FRAS1: variants seen among roughly 807,000 people sequenced by gnomAD.
FRAS1 encodes extracellular matrix organizing protein FRAS1.
A neutral mutation model predicts 435.2 loss-of-function variants in FRAS1; 290 were observed. The observed-to-expected ratio is 0.67, with a 90% CI of 0.61 to 0.73. The LOEUF (loss-of-function observed/expected upper bound fraction) is 0.73. Ranked by LOEUF, FRAS1 falls within the 30% of genes least tolerant of loss-of-function variation. The pLI, the probability that FRAS1 is intolerant of heterozygous loss-of-function variation, is 0.00. For synonymous variants in FRAS1, 1,800 were observed against 1,851.0 expected (o/e 0.97, Z 0.71); for missense variants, 4,860 against 5,001.5 (o/e 0.97, Z 0.85).
Position 78,450,560 on chromosome 4 carries a change from T to C in FRAS1, c.6463+221T>C, listed in dbSNP as rs538862637. 1.1e-4 allele frequency: 56 copies of C among 512,014 alleles called. 1 individual carries two copies. In the South Asian group the frequency reaches 1.4e-3, roughly 12 times the overall value. 31.7% of individuals were successfully genotyped at this position (512,014 alleles called of 1,614,324 possible). ...ATGTGTTCATGCTTTGACTTAGCATTGGTGGCATTTGCAGCTATTTTGGAG... is the reference window on the plus strand; with the variant it reads ...ATGTGTTCATGCTTTGACTTAGCATCGGTGGCATTTGCAGCTATTTTGGAG... On this transcript the variant is annotated intron_variant, in intron 45 of 73. Coordinates refer to ENST00000512123, the MANE Select transcript of FRAS1 (RefSeq NM_025074.7).
At chr4:78,363,484 C>G in intron 20 of FRAS1, 29 bp from the exon 21 acceptor site, 3 of 1,588,490 alleles carry the variant, frequency 1.9e-6, no homozygotes, top group Non-Finnish European at 2.6e-6. Flanking sequence ...AGCACCCGTG[C>G]CTTCTCTGTG....
At chr4:78,245,148 T>A in intron 3 of FRAS1, 85 bp from the exon 4 acceptor site, 1 of 882,820 alleles carries the variant, frequency 1.1e-6, no homozygotes, top group South Asian at 1.4e-5. Flanking sequence ...ATTTAGTGAA[T>A]GTAAGATGAC....
chr4:78,484,687 T>C (rs188893731), intron 58 of FRAS1, among the ~76,000 whole-genome samples: 21 of 152,322 alleles, frequency 1.4e-4, no homozygotes, highest in African/African-American at 4.6e-4. Context: ...TGCATGTTAC[T>C]TCCAAGTTTA....
chr4:78,125,183 G>A (rs57619651), intron 2 of FRAS1, among the ~76,000 whole-genome samples: 9,565 of 152,144 alleles, frequency 0.063, 813 homozygotes, highest in African/African-American at 0.19. Flanking sequence ...ATTTTGGTAC[G>A]TTGTGTCTTT....
rs751619292 is a variant in FRAS1 at position 78,540,689 on chromosome 4, C to T, written c.11604C>T (p.Leu3868=). 13 of 1,613,758 alleles carry T rather than the reference C, an allele frequency of 8.1e-6. No individual in the cohort carries two copies. Among genetic ancestry groups the T allele is most frequent in the African/African-American group, 1.3e-5 (1 of 75,036 alleles). Residue 3868 remains leucine, a synonymous_variant, in exon 74 of 74, where the codon CTC becomes CTT. Transcript: ENST00000512123. ...GCCAGCTGATCCTTGATGATTCCCT[C>T]ATCTATGACAATGAAGGAGACCAAG... ...PDGQLILDDS[L]IYDNEGDQVK...
At chr4:78,417,228 C>G (rs946521819) in intron 32 of FRAS1, among the ~76,000 whole-genome samples, 6 of 152,112 alleles carry the variant, frequency 3.9e-5, no homozygotes, top group African/African-American at 1.4e-4. Context: ...AGACTGTTAT[C>G]TTGGCTGGAA....
At chr4:78,538,626 A>G (rs117078620) in intron 72 of FRAS1, among the ~76,000 whole-genome samples, 1 of 152,280 alleles carries the variant, frequency 6.6e-6, no homozygotes, top group East Asian at 1.9e-4. Context: ...AGGGGCAGCA[A>G]GAAGTGCCGA....
At chr4:78,357,412 A>G (rs1730897326) in intron 20 of FRAS1, among the ~76,000 whole-genome samples, 1 of 152,078 alleles carries the variant, frequency 6.6e-6, no homozygotes, top group South Asian at 2.1e-4. Context: ...AGCCCACTCT[A>G]CTATTGGAAT....
Position 78,429,079 on chromosome 4 carries a change from C to T in FRAS1, c.4712-16C>T, listed in dbSNP as rs1471914170. On this transcript the variant is annotated splice_polypyrimidine_tract_variant and intron_variant, in intron 35 of 73. Coordinates refer to ENST00000512123, the MANE Select transcript of FRAS1 (RefSeq NM_025074.7). ...GTGTGTGTGTCTCTGTGTGTGTGTG[C>T]ATTTATCCTTTTTAGTTTCAGATGG... 1.3e-6 allele frequency: 2 copies of T among 1,541,412 alleles called. No homozygotes were observed. Among genetic ancestry groups the T allele is most frequent in the South Asian group, 1.2e-5 (1 of 83,736 alleles).
At chr4:78,414,269 G>A (rs922345394) in intron 32 of FRAS1, among the ~76,000 whole-genome samples, 5 of 152,212 alleles carry the variant, frequency 3.3e-5, no homozygotes, top group African/African-American at 1.2e-4. Flanking sequence ...TGCACACACA[G>A]GTCTTGCCAA....
At chr4:78,273,979 C>T (rs1726858110) in intron 9 of FRAS1, among the ~76,000 whole-genome samples, 1 of 152,158 alleles carries the variant, frequency 6.6e-6, no homozygotes. Context: ...TTAATTATTG[C>T]CTCCATTTCA....
At chr4:78,328,918 A>G (rs1270430677) in intron 18 of FRAS1, among the ~76,000 whole-genome samples, 1 of 152,152 alleles carries the variant, frequency 6.6e-6, no homozygotes, top group Non-Finnish European at 1.5e-5. Flanking sequence ...TTTCCCTTAA[A>G]ATGGGAAGAT....
intron 5 of FRAS1, among the ~76,000 whole-genome samples, chr4:78,254,222 T>C (rs912116213): frequency 6.6e-6 from 1 of 152,198 alleles, no homozygotes; most frequent in Non-Finnish European, 1.5e-5. Context: ...GTATAATAAA[T>C]AGGAATTATT....
At chr4:78,267,560 G>A in intron 9 of FRAS1, 128 bp downstream of exon 9, 1 of 809,128 alleles carries the variant, frequency 1.2e-6, no homozygotes, top group South Asian at 1.8e-5. Flanking sequence ...CACTTCATAG[G>A]ACCTTCTAGT....
chr4:78,159,272 T>C (rs1721032599), intron 2 of FRAS1, among the ~76,000 whole-genome samples: 1 of 152,038 alleles, frequency 6.6e-6, no homozygotes, highest in Non-Finnish European at 1.5e-5. Context: ...ATATGAAGGA[T>C]GGGCATGGAA....
At chr4:78,086,828 G>A (rs1255508483) in intron 2 of FRAS1, among the ~76,000 whole-genome samples, 1 of 152,020 alleles carries the variant, frequency 6.6e-6, no homozygotes, top group South Asian at 2.1e-4. Flanking sequence ...ATTCACAGCC[G>A]AATTCTACCA....
intron 6 of FRAS1, 84 bp downstream of exon 6, chr4:78,255,459 C>A: frequency 7.4e-7 from 1 of 1,348,338 alleles, no homozygotes; most frequent in South Asian, 1.5e-5. Flanking sequence ...AGGCAGGCCT[C>A]AGAAGCACTA....
intron 20 of FRAS1, among the ~76,000 whole-genome samples, chr4:78,360,666 G>A (rs758231788): frequency 3.9e-5 from 6 of 152,242 alleles, no homozygotes; most frequent in East Asian, 1.9e-4. Context: ...ATGAATGGGC[G>A]GGCAGAGTGG....
intron 2 of FRAS1, among the ~76,000 whole-genome samples, chr4:78,168,972 T>C (rs1159014731): frequency 6.6e-6 from 1 of 152,130 alleles, no homozygotes; most frequent in Non-Finnish European, 1.5e-5. Flanking sequence ...CAGTGTCAGT[T>C]TACTGAAGTT....
Sources: allele counts gnomAD v4.1 joint callset (sites outside exome capture counted in the v4.1 genomes callset), GRCh38; gene constraint gnomAD v4.1.1; transcripts MANE v1.5; gene names NCBI Gene and HGNC (gene_info 2026-07-23, HGNC 2026-07-21).